Variants in ROBO2 observed in about 807,000 individuals in gnomAD.
ROBO2 encodes the protein roundabout homolog 2.
A neutral mutation model predicts 160.8 loss-of-function variants in ROBO2; 53 were observed. The ratio of observed to expected loss-of-function variants is 0.33; its 90% CI spans 0.26 to 0.41. The LOEUF is 0.41. Among genes scored for constraint, ROBO2 ranks in the 10% least tolerant of loss-of-function variants. ROBO2 has a pLI of 1.00. For missense variants in ROBO2, 1,577 were observed against 1,722.4 expected, an observed-to-expected ratio of 0.92 and a Z score of 1.49; for synonymous variants, 664 against 611.7, an observed-to-expected ratio of 1.09 and a Z score of -1.26.
intron 1 of ROBO2, among the ~76,000 whole-genome samples, chr3:75,907,482 A>T (rs1363106249): frequency 6.6e-6 from 1 of 151,954 alleles, no homozygotes; most frequent in Non-Finnish European, 1.5e-5. Context: ...TTTGCTCTGC[A>T]CCCTCCATAA....
At chr3:76,005,385 T>C (rs1485024067) in intron 2 of ROBO2, among the ~76,000 whole-genome samples, 1 of 152,160 alleles carries the variant, frequency 6.6e-6, no homozygotes, top group African/African-American at 2.4e-5. Context: ...GAGCCTTCTG[T>C]GATGGTAGCA....
intron 2 of ROBO2, among the ~76,000 whole-genome samples, chr3:76,308,215 A>G (rs2071410926): frequency 6.6e-6 from 1 of 151,934 alleles, no homozygotes; most frequent in Non-Finnish European, 1.5e-5. Context: ...CGTCACTACT[A>G]AAAATACAGA....
intron 19 of ROBO2, 122 bp from the exon 21 acceptor site, chr3:77,602,088 A>C (rs1165758142): frequency 2.4e-5 from 24 of 984,590 alleles, no homozygotes; most frequent in Non-Finnish European, 3.9e-5. Context: ...GTGGCTCATG[A>C]AGCCCATCTC....
chr3:76,066,165 A>G (rs1268909769), intron 2 of ROBO2, among the ~76,000 whole-genome samples: 2 of 152,140 alleles, frequency 1.3e-5, no homozygotes, highest in Non-Finnish European at 2.9e-5. Flanking sequence ...ATATTTATAG[A>G]ATGTCATGAT....
rs71322795 is a variant in ROBO2, at chr3:77,415,110, G to T, written c.389-62304G>T. On this transcript the variant is annotated intron_variant, in intron 2 of 25. Coordinates refer to ENST00000461745, the Ensembl canonical transcript of ROBO2. ...CCAGGAATATTCAGGACATATGTTT[G>T]CCATTACTGTAATTAGTGTCAGTTG... Among the ~76,000 whole-genome samples the T allele has an allele frequency of 2.5e-3, 385 of 152,272 alleles. 1 individual carries two copies. Among genetic ancestry groups the T allele is most frequent in the Non-Finnish European group, 4.4e-3 (298 of 68,012 alleles).
chr3:76,105,404 G>T (rs2069879549), intron 2 of ROBO2, among the ~76,000 whole-genome samples: 1 of 152,120 alleles, frequency 6.6e-6, no homozygotes, highest in African/African-American at 2.4e-5. Context: ...TTGAACTGTA[G>T]TAAGACTTCT....
intron 2 of ROBO2, among the ~76,000 whole-genome samples, chr3:76,843,878 G>C (rs1157680412): frequency 6.6e-6 from 1 of 151,990 alleles, no homozygotes; most frequent in Non-Finnish European, 1.5e-5. Context: ...GAAGATTTAG[G>C]TTACCCTGAT....
intron 2 of ROBO2, among the ~76,000 whole-genome samples, chr3:77,354,242 ATT>A (rs906732770): frequency 6.6e-6 from 1 of 151,706 alleles, no homozygotes; most frequent in East Asian, 1.9e-4. Flanking sequence ...GACAATTACA[ATT>A]TTTTTTTCTT....
chr3:76,465,998 GGTGT>G (rs57838247), intron 2 of ROBO2, among the ~76,000 whole-genome samples: 8,098 of 147,556 alleles, frequency 0.055, 303 homozygotes, highest in Non-Finnish European at 0.078. Context: ...ATAAAATATG[GGTGT>G]GTGTGTGTGT....
At chr3:76,583,083 C>G (rs907180568) in intron 2 of ROBO2, among the ~76,000 whole-genome samples, 2 of 151,680 alleles carry the variant, frequency 1.3e-5, no homozygotes, top group East Asian at 1.9e-4. Flanking sequence ...AGTACGGAAC[C>G]GAGCTGCAGG....
intron 2 of ROBO2, among the ~76,000 whole-genome samples, chr3:76,663,907 A>G (rs1028775025): frequency 7.1e-6 from 1 of 140,176 alleles, no homozygotes; most frequent in Non-Finnish European, 1.6e-5. Context: ...CCATCTCAGG[A>G]AAAAAAAAAA....
At chr3:75,994,159 G>T (rs3849472) in intron 2 of ROBO2, among the ~76,000 whole-genome samples, 1 of 152,194 alleles carries the variant, frequency 6.6e-6, no homozygotes, top group African/African-American at 2.4e-5. Context: ...ACTTTAGGGG[G>T]TCCACACCAA....
intron 5 of ROBO2, among the ~76,000 whole-genome samples, chr3:77,519,009 G>T (rs1346592094): frequency 6.6e-6 from 1 of 151,268 alleles, no homozygotes; most frequent in East Asian, 1.9e-4. Flanking sequence ...CTGTTCTATA[G>T]GTAGAAAAAA....
intron 2 of ROBO2, among the ~76,000 whole-genome samples, chr3:76,893,266 G>A (rs766408114): frequency 6.6e-6 from 1 of 151,286 alleles, no homozygotes; most frequent in East Asian, 1.9e-4. Context: ...GCAAGAATGA[G>A]GGATAAAACA....
At chr3:76,490,173 ATT>A (rs947704404) in intron 2 of ROBO2, among the ~76,000 whole-genome samples, 1 of 152,076 alleles carries the variant, frequency 6.6e-6, no homozygotes, top group Non-Finnish European at 1.5e-5. Context: ...GACGAAAGAA[ATT>A]TTTTATCTAT....
At chr3:77,602,124 A>G in intron 19 of ROBO2, 86 bp from the exon 21 acceptor site, 10 of 1,352,232 alleles carry the variant, frequency 7.4e-6, no homozygotes, top group Middle Eastern at 1.9e-4. Context: ...GTGCAGTGTG[A>G]CACACTTATT....
At chr3:76,112,532 G>T (rs2070280310) in intron 2 of ROBO2, among the ~76,000 whole-genome samples, 1 of 151,918 alleles carries the variant, frequency 6.6e-6, no homozygotes, top group Admixed American at 6.6e-5. Flanking sequence ...TTTTCTGTCT[G>T]TAGGTAATAT....
intron 2 of ROBO2, among the ~76,000 whole-genome samples, chr3:77,182,331 C>T (rs1461426698): frequency 6.6e-6 from 1 of 152,002 alleles, no homozygotes; most frequent in Non-Finnish European, 1.5e-5. Context: ...GCTGGGACAA[C>T]AAAAGTATAC....
intron 2 of ROBO2, among the ~76,000 whole-genome samples, chr3:77,342,468 A>G (rs1234426901): frequency 6.6e-6 from 1 of 152,146 alleles, no homozygotes; most frequent in African/African-American, 2.4e-5. Flanking sequence ...ATTGTTGTAG[A>G]GAGAATTCTT....
Sources: gnomAD v4.1 joint callset for allele counts (sites outside exome capture counted in the v4.1 genomes callset) on GRCh38, gnomAD v4.1.1 for gene constraint, MANE v1.5 for transcripts, NCBI Gene and HGNC (gene_info 2026-07-23, HGNC 2026-07-21) for gene names.